The following PCDHA13 variants were observed in gnomAD, a reference collection of about 807,000 sequenced individuals.
The protein encoded by PCDHA13 is protocadherin alpha-13.
In PCDHA13, 54 loss-of-function variants were observed where a neutral mutation model predicts 64.8. The observed-to-expected ratio is 0.83, with a 90% CI of 0.67 to 1.04. The LOEUF (loss-of-function observed/expected upper bound fraction) is 1.04, where lower values mean the gene tolerates loss of function less well. PCDHA13 is among the 50% of genes least tolerant of loss of function. The pLI is 0.00. For synonymous variants in PCDHA13, 587 were observed against 564.4 expected, an observed-to-expected ratio of 1.04 and a Z score of -0.57; for missense variants, 1,248 against 1,254.3, an observed-to-expected ratio of 0.99 and a Z score of 0.08.
intron 3 of PCDHA13, among the ~76,000 whole-genome samples, chr5:140,995,811 G>A (rs949931541): frequency 6.6e-6 from 1 of 152,240 alleles, no homozygotes; most frequent in South Asian, 2.1e-4. Context: ...GTTTCTGAAG[G>A]GAGATAGCCT....
At chr5:140,941,317 C>T (rs1264351232) in intron 1 of PCDHA13, among the ~76,000 whole-genome samples, 5 of 99,210 alleles carry the variant, frequency 5.0e-5, no homozygotes, top group Admixed American at 1.1e-4. Flanking sequence ...TTTCTTCTTT[C>T]TCTTTTTTTT....
intron 1 of PCDHA13, among the ~76,000 whole-genome samples, chr5:140,978,596 C>T (rs2096811689): frequency 6.6e-6 from 1 of 152,204 alleles, no homozygotes; most frequent in African/African-American, 2.4e-5. Context: ...CTTAATGGGG[C>T]ACTTGAGGGC....
Position 140,883,933 on chromosome 5 carries a change from G to C in PCDHA13, c.1665G>C (p.Val555=). 1 of 1,613,398 alleles carries C rather than the reference G, an allele frequency of 6.2e-7. No individual in the cohort carries two copies. Among genetic ancestry groups the C allele is most frequent in the Non-Finnish European group, 8.5e-7 (1 of 1,179,854 alleles). The change falls in exon 1 of 4, where the codon GTG becomes GTC. Residue 555 remains valine, a synonymous_variant. Coordinates refer to ENST00000289272, the MANE Select transcript of PCDHA13 (RefSeq NM_018904.3). ...GCAACGTGACGCTGCAGGTGTTCGT[G>C]CTGGACGAGAACGACAACGCTCCGG... The part of the protein sequence containing the change: ...LGSNVTLQVF[V]LDENDNAPAL...
At position 140,884,402 on chromosome 5, in the gene PCDHA13, G is replaced by T. The variant is rs782512270; in HGVS notation, c.2134G>T (p.Val712Leu). 2.6e-5 allele frequency: 42 copies of T among 1,613,886 alleles called. 1 individual carries two copies. The Middle Eastern group carries it at 1.3e-3, about 51-fold the overall frequency. Reference protein sequence around the residue: ...IAICAVSSLLVLTLLLYTALR... With the variant: ...IAICAVSSLLLLTLLLYTALR... The stretch of plus-strand genomic sequence containing the variant: ...CATCTGCGCGGTGTCCAGCCTGTTG[G>T]TGCTCACGTTGCTGCTGTATACTGC... The change falls in exon 1 of 4, where the codon GTG becomes TTG. Residue 712 changes from valine to leucine, a missense_variant. Coordinates refer to ENST00000289272, the MANE Select transcript of PCDHA13 (RefSeq NM_018904.3).
At chr5:140,903,567 G>T (rs1554191019) in intron 1 of PCDHA13, among the ~76,000 whole-genome samples, 1 of 152,170 alleles carries the variant, frequency 6.6e-6, no homozygotes, top group African/African-American at 2.4e-5. Flanking sequence ...GTGGAATTGG[G>T]AGCTGTCTAG....
chr5:140,884,609 G>T lies in PCDHA13; in HGVS notation c.2341G>T (p.Gly781Cys). The change falls in exon 1 of 4, where the codon GGT (glycine) becomes TGT (cysteine). Residue 781 changes from glycine to cysteine, a missense_variant. Gly to Cys is a radical substitution (Grantham distance 159). Coordinates refer to ENST00000289272, the MANE Select transcript of PCDHA13 (RefSeq NM_018904.3). ...CAGTCCCAGCCTTCCTCCTTGTCTG[G>T]GTTCTGCAGAGGGAACAGGCCAGAG... ...AFSPSLPPCL[G>C]SAEGTGQREE... The T allele has an allele frequency of 6.2e-7, 1 of 1,614,138 alleles. No homozygotes were observed. Among genetic ancestry groups the T allele is most frequent in the Non-Finnish European group, 8.5e-7 (1 of 1,180,006 alleles).
chr5:140,944,992 C>T (rs561484046), intron 1 of PCDHA13, among the ~76,000 whole-genome samples: 11 of 152,114 alleles, frequency 7.2e-5, no homozygotes, highest in South Asian at 2.1e-4. Flanking sequence ...ACTTCTGTAA[C>T]GGTTGTGGGT....
intron 1 of PCDHA13, among the ~76,000 whole-genome samples, chr5:140,924,900 AAAAAATAAAAT>A (rs2082119593): frequency 1.6e-5 from 1 of 63,328 alleles, no homozygotes; most frequent in African/African-American, 5.4e-5. Context: ...GTCTCAAAAA[AAAAAATAAAAT>A]AAAATAAAAT....
At chr5:140,891,827 A>G (rs943963989) in intron 1 of PCDHA13, among the ~76,000 whole-genome samples, 1 of 152,212 alleles carries the variant, frequency 6.6e-6, no homozygotes, top group Non-Finnish European at 1.5e-5. Flanking sequence ...ACGGCACTGT[A>G]AAAGGACTTG....
In PCDHA13 at chr5:140,906,646, G is replaced by T. The variant is rs1473127161; in HGVS notation, c.2394+21984G>T. On this transcript the variant is annotated intron_variant, in intron 1 of 3. Coordinates refer to ENST00000289272, the MANE Select transcript of PCDHA13 (RefSeq NM_018904.3). ...TCAGCAAGCACCTCAGCAGGTAGTG[G>T]TTTTTTCCTGGTGTAGTGACCCAAA... Among the ~76,000 whole-genome samples the T allele has an allele frequency of 2.0e-5, 3 of 152,192 alleles. No individual in the cohort carries two copies. In the East Asian group the frequency reaches 5.8e-4, roughly 29 times the overall value.
chr5:140,996,701 A>G (rs782320896), intron 3 of PCDHA13, among the ~76,000 whole-genome samples: 2 of 152,130 alleles, frequency 1.3e-5, no homozygotes, highest in Non-Finnish European at 2.9e-5. Flanking sequence ...CTGAACCTCT[A>G]TCTCTTTGAT....
chr5:140,943,823 G>A (rs1431339857), intron 1 of PCDHA13, among the ~76,000 whole-genome samples: 3 of 152,206 alleles, frequency 2.0e-5, no homozygotes, highest in African/African-American at 7.2e-5. Flanking sequence ...AAGAAAATGA[G>A]TTGATTGAAG....
intron 1 of PCDHA13, among the ~76,000 whole-genome samples, chr5:140,964,575 G>A (rs2153740589): frequency 6.6e-6 from 1 of 152,212 alleles, no homozygotes; most frequent in East Asian, 1.9e-4. Flanking sequence ...GGAGATAAGG[G>A]GAGGAAAGAT....
intron 1 of PCDHA13, among the ~76,000 whole-genome samples, chr5:140,906,486 A>G (rs2072686991): frequency 6.6e-6 from 1 of 152,270 alleles, no homozygotes; most frequent in South Asian, 2.1e-4. Context: ...GTATAAATGC[A>G]CAAACATGTT....
intron 1 of PCDHA13, among the ~76,000 whole-genome samples, chr5:140,973,304 C>G (rs1252823783): frequency 6.6e-6 from 1 of 152,126 alleles, no homozygotes; most frequent in Non-Finnish European, 1.5e-5. Context: ...TCTGATGACT[C>G]TATCCTGGAA....
At chr5:140,926,371 G>A (rs1220733947) in intron 1 of PCDHA13, 1 of 152,352 alleles carries the variant, frequency 6.6e-6, no homozygotes, top group East Asian at 1.9e-4. Flanking sequence ...GCGGCAGGAA[G>A]AGCCCAGCTG....
chr5:140,916,046 C>T (rs2077416983), intron 1 of PCDHA13, among the ~76,000 whole-genome samples: 1 of 152,202 alleles, frequency 6.6e-6, no homozygotes, highest in Admixed American at 6.5e-5. Context: ...TTTCCACAGG[C>T]AGAGGTGCCT....
intron 1 of PCDHA13, among the ~76,000 whole-genome samples, chr5:140,924,127 A>G (rs2081688492): frequency 6.6e-6 from 1 of 152,252 alleles, no homozygotes; most frequent in African/African-American, 2.4e-5. Flanking sequence ...CTTGCTTAGC[A>G]GCATTAATTT....
chr5:140,903,339 A>T (rs1176958912), intron 1 of PCDHA13, among the ~76,000 whole-genome samples: 1 of 152,206 alleles, frequency 6.6e-6, no homozygotes, highest in African/African-American at 2.4e-5. Context: ...GAAAGGATGC[A>T]TTTTAAAAAA....
Sources: allele counts gnomAD v4.1 joint callset (sites outside exome capture counted in the v4.1 genomes callset), GRCh38; gene constraint gnomAD v4.1.1; transcripts MANE v1.5; gene names NCBI Gene and HGNC (gene_info 2026-07-23, HGNC 2026-07-21).